The following ZNG1A variants were observed in gnomAD, a reference collection of about 807,000 sequenced individuals.
ZNG1A encodes zinc-regulated GTPase metalloprotein activator 1A.
At chr9:175,220 A>C in the ZNG1A span, among the ~76,000 whole-genome samples, 1 of 152,162 alleles carries the variant, frequency 6.6e-6, no homozygotes, top group African/African-American at 2.4e-5. Context: ...TCTACTAAAA[A>C]TACAAAAATT....
chr9:166,713 A>G, the ZNG1A span: 1 of 152,462 alleles, frequency 6.6e-6, no homozygotes, highest in African/African-American at 2.4e-5. Flanking sequence ...AGAAACTTAG[A>G]GCCTATATAA....
the ZNG1A span, chr9:163,843 G>A: frequency 1.8e-6 from 2 of 1,098,026 alleles, no homozygotes; most frequent in Non-Finnish European, 2.6e-6. Flanking sequence ...CTTGAACCCA[G>A]GAGGTAAAGG....
chr9:137,590 G>T, the ZNG1A span, among the ~76,000 whole-genome samples: 1 of 151,934 alleles, frequency 6.6e-6, no homozygotes, highest in South Asian at 2.1e-4. Context: ...GAAGTAAAAA[G>T]AAGAAAAGGA....
chr9:146,336 A>G, the ZNG1A span: 4 of 577,992 alleles, frequency 6.9e-6, no homozygotes, highest in African/African-American at 2.0e-5. Context: ...TATTACTTCA[A>G]TGAATTAGGT....
At chr9:131,994 C>G in the ZNG1A span, among the ~76,000 whole-genome samples, 2 of 126,294 alleles carry the variant, frequency 1.6e-5, no homozygotes, top group African/African-American at 3.2e-5. Context: ...CCGTATTGCT[C>G]TTTTCCTTAC....
chr9:174,083 G>C, the ZNG1A span, among the ~76,000 whole-genome samples: 4 of 149,566 alleles, frequency 2.7e-5, no homozygotes, highest in Non-Finnish European at 4.4e-5. Flanking sequence ...GGAGGCGGAG[G>C]TTGCAGTGAC....
chr9:129,039 G>T, the ZNG1A span, among the ~76,000 whole-genome samples: 1 of 151,384 alleles, frequency 6.6e-6, no homozygotes, highest in African/African-American at 2.4e-5. Flanking sequence ...ACCATCTGTG[G>T]GTCTCTCAGC....
chr9:125,348 A>G, the ZNG1A span, among the ~76,000 whole-genome samples: 2 of 148,118 alleles, frequency 1.4e-5, no homozygotes, highest in Non-Finnish European at 3.0e-5. Flanking sequence ...GGCCATTTGT[A>G]TATCTTCTTT....
At chr9:169,718 C>A in the ZNG1A span, among the ~76,000 whole-genome samples, 16 of 150,096 alleles carry the variant, frequency 1.1e-4, no homozygotes, top group Admixed American at 3.3e-4. Context: ...CCTCTACCAG[C>A]AAAAAGACTA....
At chr9:141,063 G>C in the ZNG1A span, among the ~76,000 whole-genome samples, 366 of 138,196 alleles carry the variant, frequency 2.6e-3, 3 homozygotes, top group African/African-American at 0.01. Context: ...ATCTACGTCT[G>C]ATTGGTGTAC....
the ZNG1A span, chr9:177,825 G>A: frequency 1.6e-6 from 2 of 1,219,596 alleles, no homozygotes; most frequent in African/African-American, 1.6e-5. Flanking sequence ...GAATAACTGT[G>A]GGGAAACGCC....
chr9:172,255 A>G, the ZNG1A span: 1 of 1,546,276 alleles, frequency 6.5e-7, no homozygotes, highest in African/African-American at 1.4e-5. Flanking sequence ...AATATATTCA[A>G]CAACCCGAGA....
chr9:174,063 C>T, the ZNG1A span, among the ~76,000 whole-genome samples: 604 of 150,916 alleles, frequency 4.0e-3, 3 homozygotes, highest in African/African-American at 0.014. Context: ...AGGAGAATGG[C>T]GTGAACCCGG....
chr9:163,622 A>G, the ZNG1A span, among the ~76,000 whole-genome samples: 2 of 151,092 alleles, frequency 1.3e-5, no homozygotes, highest in African/African-American at 4.9e-5. Context: ...AGATTTTACT[A>G]AAAAACAAAA....
chr9:178,353 G>A, the ZNG1A span, among the ~76,000 whole-genome samples: 1 of 152,150 alleles, frequency 6.6e-6, no homozygotes, highest in Non-Finnish European at 1.5e-5. Flanking sequence ...GAGGACTCTG[G>A]CTCGTGGGGA....
the ZNG1A span, among the ~76,000 whole-genome samples, chr9:155,965 A>G: frequency 8.7e-5 from 13 of 150,194 alleles, no homozygotes; most frequent in South Asian, 4.2e-4. Context: ...AAATAAAAAT[A>G]AAAAAATAAA....
the ZNG1A span, among the ~76,000 whole-genome samples, chr9:156,154 C>CATATAT: frequency 4.8e-4 from 65 of 134,124 alleles, no homozygotes; most frequent in Admixed American, 1.2e-3. Context: ...TATTATTATA[C>CATATAT]ATATATATAT....
chr9:169,036 G>A, the ZNG1A span, among the ~76,000 whole-genome samples: 1 of 151,952 alleles, frequency 6.6e-6, no homozygotes, highest in Non-Finnish European at 1.5e-5. Flanking sequence ...TCTTATTTAA[G>A]AAATATATTT....
At chr9:162,672 T>G in the ZNG1A span, among the ~76,000 whole-genome samples, 5 of 150,172 alleles carry the variant, frequency 3.3e-5, no homozygotes, top group Admixed American at 2.6e-4. Context: ...CCTGAGTGGC[T>G]AGCACTATTT....
Sources: allele counts gnomAD v4.1 joint callset (sites outside exome capture counted in the v4.1 genomes callset), GRCh38; gene constraint gnomAD v4.1.1; transcripts MANE v1.5; gene names NCBI Gene and HGNC (gene_info 2026-07-23, HGNC 2026-07-21).